The following PSD2 variants were observed in gnomAD, a reference collection of about 807,000 sequenced individuals.
PSD2 encodes the protein pleckstrin and Sec7 domain containing 2.
Under a neutral mutation model 69.8 loss-of-function variants are expected in PSD2, and 38 were observed. The ratio of observed to expected loss-of-function variants is 0.54; its 90% CI spans 0.42 to 0.71. The LOEUF (loss-of-function observed/expected upper bound fraction) is 0.71. Ranked by LOEUF, PSD2 falls within the 30% of genes least tolerant of loss-of-function variation. The probability of loss-of-function intolerance (pLI) is 0.00; values close to 1 mark genes in which losing one functional copy is unlikely to be tolerated. For synonymous variants in PSD2, 412 were observed against 423.0 expected, an observed-to-expected ratio of 0.97 and a Z score of 0.32; for missense variants, 943 against 1,014.5, an observed-to-expected ratio of 0.93 and a Z score of 0.96.
rs771397390 is a variant in PSD2 at position 139,830,591 on chromosome 5, T to TC, written c.1270-3111_1270-3110insC. Among the ~76,000 whole-genome samples the TC allele has an allele frequency of 7.3e-3, 748 of 102,154 alleles. 8 individuals are homozygous for TC. Among genetic ancestry groups the TC allele is most frequent in the African/African-American group, 0.014 (303 of 22,050 alleles). 67.0% of individuals were successfully genotyped at this position (102,154 alleles called of 152,430 possible). On this transcript the variant is annotated intron_variant, in intron 7 of 14. Coordinates refer to ENST00000274710, the MANE Select transcript of PSD2 (RefSeq NM_032289.4). ...CTTTCTTTCTTTCTTTCTTTCTTTCTTTTTCTTTCTTTCTTTCTCTTTCTT... is the reference window on the plus strand; with the variant it reads ...CTTTCTTTCTTTCTTTCTTTCTTTCTCTTTTCTTTCTTTCTTTCTCTTTCTT...
chr5:139,806,238 G>T (rs904468583), intron 1 of PSD2, among the ~76,000 whole-genome samples: 16 of 152,276 alleles, frequency 1.1e-4, no homozygotes, highest in Non-Finnish European at 1.9e-4. Flanking sequence ...TGGGTGCCCA[G>T]TGGCCCAGCT....
At chr5:139,783,943 C>CTTTTTTTTTTTTTTTTTTTTTT in the PSD2 span, among the ~76,000 whole-genome samples, 18 of 87,886 alleles carry the variant, frequency 2.0e-4, no homozygotes, top group African/African-American at 7.4e-4. Flanking sequence ...TCTGCTAGCT[C>CTTTTTTTTTTTTTTTTTTTTTT]TTTTTTTTTT....
chr5:139,748,722 G>A, the PSD2 span, among the ~76,000 whole-genome samples: 12 of 152,258 alleles, frequency 7.9e-5, no homozygotes, highest in African/African-American at 2.2e-4. Context: ...CTGAGCCCCC[G>A]GCCCGTCCTC....
chr5:139,787,600 G>T, the PSD2 span, among the ~76,000 whole-genome samples: 4 of 152,260 alleles, frequency 2.6e-5, no homozygotes, highest in African/African-American at 9.6e-5. Flanking sequence ...TCCGCCTGGT[G>T]CCGCGGGTGC....
chr5:139,761,877 A>G, the PSD2 span, among the ~76,000 whole-genome samples: 1 of 152,070 alleles, frequency 6.6e-6, no homozygotes, highest in Admixed American at 6.5e-5. Flanking sequence ...GTGAGTTCCC[A>G]ATACCAGGCA....
chr5:139,795,634 C>T (rs990955784), upstream of PSD2, among the ~76,000 whole-genome samples: 2 of 151,864 alleles, frequency 1.3e-5, no homozygotes, highest in Non-Finnish European at 2.9e-5. The surrounding 1 kb of genome is among the most constrained non-coding windows in gnomAD (Gnocchi z 4.5). Context: ...CTCCCCGGCA[C>T]GCTCGGGGTC....
the PSD2 span, among the ~76,000 whole-genome samples, chr5:139,752,459 C>G: frequency 6.6e-6 from 1 of 152,168 alleles, no homozygotes; most frequent in Admixed American, 6.5e-5. Context: ...CACTCACACT[C>G]AAGTGCACAT....
chr5:139,772,187 G>A, the PSD2 span, among the ~76,000 whole-genome samples: 1 of 152,126 alleles, frequency 6.6e-6, no homozygotes, highest in African/African-American at 2.4e-5. Flanking sequence ...CCCCAGACTG[G>A]GTCCTTGAAG....
intron 1 of PSD2, among the ~76,000 whole-genome samples, chr5:139,799,500 A>C (rs1329233998): frequency 6.6e-6 from 1 of 152,142 alleles, no homozygotes. Context: ...CTAGCCTGGA[A>C]TGTGGGCTGA....
At chr5:139,835,481 T>C (rs1232965594) in intron 8 of PSD2, among the ~76,000 whole-genome samples, 2 of 152,156 alleles carry the variant, frequency 1.3e-5, no homozygotes, top group African/African-American at 4.8e-5. Context: ...GCCTCTGACC[T>C]TGTGAAGCTT....
chr5:139,759,494 C>T, the PSD2 span, among the ~76,000 whole-genome samples: 1 of 152,162 alleles, frequency 6.6e-6, no homozygotes, highest in Non-Finnish European at 1.5e-5. Flanking sequence ...CCGCCCTGGG[C>T]TCCCTGACGA....
At chr5:139,818,148 C>T (rs1055112340) in intron 5 of PSD2, among the ~76,000 whole-genome samples, 2 of 152,100 alleles carry the variant, frequency 1.3e-5, no homozygotes, top group African/African-American at 4.8e-5. Flanking sequence ...AGATACTGGC[C>T]AGGTCCTAGG....
rs182217161 is a variant in PSD2 at position 139,821,828 on chromosome 5, T to G, written c.1098-65T>G. 1.6e-3 allele frequency: 1,394 copies of G among 875,498 alleles called. 5 individuals are homozygous for G. Among genetic ancestry groups the G allele is most frequent in the Non-Finnish European group, 2.0e-3 (1,058 of 535,408 alleles). The allele number at this position is 875,498 out of a possible 1,614,324, so 54.2% of individuals were successfully genotyped here. A position where few individuals can be genotyped will look rare whatever the true frequency, so the allele number is the denominator to read the frequency against. On this transcript the variant is annotated intron_variant, in intron 5 of 14. Coordinates refer to ENST00000274710, the MANE Select transcript of PSD2 (RefSeq NM_032289.4). ...CTAGAGTGGGTGTGTGCTGTGTGTG[T>G]GGGGGGTGGTCTTACCCTGGGTGAG...
chr5:139,772,833 T>C, the PSD2 span: 3 of 152,224 alleles, frequency 2.0e-5, no homozygotes, highest in African/African-American at 7.2e-5. Flanking sequence ...TTGTTCAGTA[T>C]CTTTTTCCCC....
chr5:139,783,943 C>CTTTTTTTTTTTTTTTTTTTT, the PSD2 span, among the ~76,000 whole-genome samples: 28 of 87,880 alleles, frequency 3.2e-4, 1 homozygote, highest in African/African-American at 1.2e-3. Flanking sequence ...TCTGCTAGCT[C>CTTTTTTTTTTTTTTTTTTTT]TTTTTTTTTT....
chr5:139,774,053 T>G, the PSD2 span, among the ~76,000 whole-genome samples: 4 of 152,006 alleles, frequency 2.6e-5, no homozygotes, highest in African/African-American at 9.7e-5. Flanking sequence ...CTTGAACTTC[T>G]AGACTCAGGT....
chr5:139,824,421 G>T (rs1160103784), intron 7 of PSD2, among the ~76,000 whole-genome samples: 1 of 137,366 alleles, frequency 7.3e-6, no homozygotes, highest in Non-Finnish European at 1.5e-5. Context: ...TTTTGAGACG[G>T]AGTCTCACTC....
chr5:139,837,505 G>A lies in PSD2; in HGVS notation c.1666-120G>A. The stretch of plus-strand genomic sequence containing the variant: ...GAGTACCTGGATTCTTGTTGGGGTG[G>A]GTGAGGCAGCAGGAACAGAAAATTA... On this transcript the variant is annotated intron_variant, in intron 11 of 14. Coordinates refer to ENST00000274710, the MANE Select transcript of PSD2 (RefSeq NM_032289.4). The surrounding 1 kb of genome is among the most constrained non-coding windows in gnomAD (Gnocchi z 5.0). The A allele has an allele frequency of 9.1e-7, 1 of 1,094,034 alleles. No homozygotes were observed. The highest frequency in any genetic ancestry group is 1.6e-5 in the South Asian group (1 of 63,978). The allele number at this position is 1,094,034 out of a possible 1,614,324, so 67.8% of individuals were successfully genotyped here.
intron 7 of PSD2, among the ~76,000 whole-genome samples, chr5:139,823,435 A>G (rs1255762649): frequency 6.6e-6 from 1 of 152,088 alleles, no homozygotes; most frequent in East Asian, 1.9e-4. Context: ...TTGCTCACCC[A>G]TGGTGGTTGG....
Sources: allele counts gnomAD v4.1 joint callset (sites outside exome capture counted in the v4.1 genomes callset), GRCh38; gene constraint gnomAD v4.1.1; non-coding constraint Gnocchi (gnomAD v3.1); transcripts MANE v1.5; gene names NCBI Gene and HGNC (gene_info 2026-07-23, HGNC 2026-07-21).